The following NXPH1 variants were observed in gnomAD, a reference collection of about 807,000 sequenced individuals.
NXPH1 encodes the protein neurexophilin 1, also known as neurexophilin-1.
A neutral mutation model predicts 23.7 loss-of-function variants in NXPH1; 5 were observed. The ratio of observed to expected loss-of-function variants is 0.21; its 90% CI spans 0.11 to 0.44. The LOEUF is 0.44. NXPH1 is among the 20% of genes least tolerant of loss of function. The pLI is 0.99. For synonymous variants in NXPH1, 144 were observed against 122.2 expected, an observed-to-expected ratio of 1.18 and a Z score of -1.18; for missense variants, 324 against 321.6, an observed-to-expected ratio of 1.01 and a Z score of -0.06.
At position 8,749,969 on chromosome 7, in the gene NXPH1, A is replaced by C. The variant is rs897413629; in HGVS notation, c.55-1039A>C. 9.8e-5 allele frequency among the ~76,000 whole-genome samples: 15 copies of C among 152,328 alleles called. No individual in the cohort carries two copies. The East Asian group carries it at 2.5e-3, about 25-fold the overall frequency. On this transcript the variant is annotated intron_variant, in intron 2 of 2. Transcript: ENST00000405863. Reference sequence around the variant, plus strand: ...CAGTTCGAAATACAATTCTTTCCTAAGAAATAATTTTGCGGTCCTAGGAGA... The same window carrying C: ...CAGTTCGAAATACAATTCTTTCCTACGAAATAATTTTGCGGTCCTAGGAGA...
intron 2 of NXPH1, among the ~76,000 whole-genome samples, chr7:8,724,515 G>C (rs1331710880): frequency 6.6e-6 from 1 of 152,064 alleles, no homozygotes; most frequent in African/African-American, 2.4e-5. Flanking sequence ...ATTAAAAGAG[G>C]GTTGAGGGAA....
intron 2 of NXPH1, among the ~76,000 whole-genome samples, chr7:8,579,117 T>G (rs1818814245): frequency 6.6e-6 from 1 of 152,292 alleles, no homozygotes; most frequent in East Asian, 1.9e-4. Flanking sequence ...CAAGGCTGCG[T>G]GTGGCTGATC....
rs1252907626 is a variant in NXPH1 at position 8,433,726 on chromosome 7, T to C, written c.-1140T>C. Among the ~76,000 whole-genome samples, 2 of 151,760 alleles carry C rather than the reference T, an allele frequency of 1.3e-5. No homozygotes were observed. The highest frequency in any genetic ancestry group is 4.8e-5 in the African/African-American group (2 of 41,304). On this transcript the variant is annotated 5_prime_UTR_variant, in exon 1 of 3. Transcript: ENST00000405863. The surrounding 1 kb of genome is among the most constrained non-coding windows in gnomAD (Gnocchi z 6.8). Reference sequence around the variant, plus strand: ...GCGCTCGAGGCCGGCAGGGGCGCCCTGCACCCTCCCGCGCCCTTCCCCGCC... The same window carrying C: ...GCGCTCGAGGCCGGCAGGGGCGCCCCGCACCCTCCCGCGCCCTTCCCCGCC...
chr7:8,622,564 C>T (rs1264069612), intron 2 of NXPH1, among the ~76,000 whole-genome samples: 6 of 152,080 alleles, frequency 3.9e-5, no homozygotes, highest in African/African-American at 1.4e-4. Context: ...TGTGAAAAGC[C>T]TAAGTAATTA....
At chr7:8,655,441 T>TCTC (rs1241154580) in intron 2 of NXPH1, among the ~76,000 whole-genome samples, 3 of 71,044 alleles carry the variant, frequency 4.2e-5, no homozygotes, top group Non-Finnish European at 8.7e-5. Flanking sequence ...TCTCTCTCTC[T>TCTC]CTCTCTCTAT....
At chr7:8,741,143 G>T (rs564609257) in intron 2 of NXPH1, among the ~76,000 whole-genome samples, 1 of 152,094 alleles carries the variant, frequency 6.6e-6, no homozygotes, top group Non-Finnish European at 1.5e-5. Flanking sequence ...AGATCATGCA[G>T]TATTTGTTTC....
At chr7:8,488,235 CTATATCTTACATAT>C (rs530310092) in intron 2 of NXPH1, among the ~76,000 whole-genome samples, 8,273 of 151,766 alleles carry the variant, frequency 0.055, 744 homozygotes, top group African/African-American at 0.19. Context: ...GGGACACATA[CTATATCTTACATAT>C]TACATCTTAC....
At chr7:8,566,683 TGAATTAA>T (rs1467357760) in intron 2 of NXPH1, among the ~76,000 whole-genome samples, 3 of 151,820 alleles carry the variant, frequency 2.0e-5, no homozygotes, top group African/African-American at 7.2e-5. Flanking sequence ...CCTTTGGCTT[TGAATTAA>T]GAATTATACT....
intron 2 of NXPH1, among the ~76,000 whole-genome samples, chr7:8,730,120 T>C (rs2097187256): frequency 6.6e-6 from 1 of 151,148 alleles, no homozygotes; most frequent in South Asian, 2.1e-4. Context: ...CTTTTGATCT[T>C]TGTTGGTTTA....
intron 2 of NXPH1, among the ~76,000 whole-genome samples, chr7:8,588,111 C>A (rs145981373): frequency 3.9e-4 from 59 of 152,192 alleles, no homozygotes; most frequent in Non-Finnish European, 7.2e-4. Context: ...AATGCTGGAG[C>A]AGATGTGGAG....
rs1780537439 is a variant in NXPH1 at position 8,750,038 on chromosome 7, T to C, written c.55-970T>C. Among the ~76,000 whole-genome samples, 5 of 152,324 alleles carry C rather than the reference T, an allele frequency of 3.3e-5. 1 individual carries two copies. In the South Asian group the frequency reaches 8.3e-4, roughly 25 times the overall value. ...TCTCACAATCCACCCTGAAGTGACCTCTCAGTCATTGACCACATGTTGTTG... is the reference window on the plus strand; with the variant it reads ...TCTCACAATCCACCCTGAAGTGACCCCTCAGTCATTGACCACATGTTGTTG... On this transcript the variant is annotated intron_variant, in intron 2 of 2. Transcript: ENST00000405863.
chr7:8,472,644 C>T (rs1320203941), intron 2 of NXPH1, among the ~76,000 whole-genome samples: 1 of 152,130 alleles, frequency 6.6e-6, no homozygotes, highest in Non-Finnish European at 1.5e-5. Context: ...ATACCACAAT[C>T]TGAGTTCCCT....
intron 2 of NXPH1, among the ~76,000 whole-genome samples, chr7:8,691,429 G>A (rs113174568): frequency 0.018 from 2,802 of 152,264 alleles, 76 homozygotes; most frequent in African/African-American, 0.063. Context: ...GATCATAGGC[G>A]TGAGCCATTG....
intron 2 of NXPH1, among the ~76,000 whole-genome samples, chr7:8,689,557 G>A (rs1277673548): frequency 2.0e-5 from 3 of 152,182 alleles, no homozygotes; most frequent in Admixed American, 6.5e-5. Context: ...TTAGGGTGTA[G>A]GAGAGTGCCT....
At chr7:8,749,347 C>G (rs1780526811) in intron 2 of NXPH1, among the ~76,000 whole-genome samples, 1 of 152,188 alleles carries the variant, frequency 6.6e-6, no homozygotes, top group Non-Finnish European at 1.5e-5. Context: ...CAGGGGCACA[C>G]AGCTTGGCAG....
chr7:8,487,751 A>C (rs149049288), intron 2 of NXPH1, among the ~76,000 whole-genome samples: 2 of 152,240 alleles, frequency 1.3e-5, no homozygotes, highest in African/African-American at 2.4e-5. Context: ...TTTGTTTAAC[A>C]AGGGAAGCTT....
intron 2 of NXPH1, among the ~76,000 whole-genome samples, chr7:8,444,522 A>G (rs1459161234): frequency 2.0e-5 from 3 of 151,936 alleles, no homozygotes; most frequent in Non-Finnish European, 4.4e-5. Context: ...TCCGCAGTCC[A>G]CCCTCCCTGG....
chr7:8,721,367 G>C (rs912847149), intron 2 of NXPH1, among the ~76,000 whole-genome samples: 1 of 152,024 alleles, frequency 6.6e-6, no homozygotes, highest in Admixed American at 6.6e-5. Context: ...TTGTAAATTG[G>C]AAATTATACC....
At position 8,480,906 on chromosome 7, in the gene NXPH1, C is replaced by A. The variant is rs1817062179; in HGVS notation, c.54+45139C>A. Among the ~76,000 whole-genome samples, 5 of 152,146 alleles carry A rather than the reference C, an allele frequency of 3.3e-5. No homozygotes were observed. In the South Asian group the frequency reaches 1.0e-3, roughly 32 times the overall value. ...TTAGTTGTTGTCAAGATGGATATTT[C>A]TAAAGGTATTATTTTTTCATTTCAT... is the stretch of plus-strand genomic sequence containing the variant. On this transcript the variant is annotated intron_variant, in intron 2 of 2. Transcript: ENST00000405863.
Sources: gnomAD v4.1 joint callset for allele counts (sites outside exome capture counted in the v4.1 genomes callset) on GRCh38, gnomAD v4.1.1 for gene constraint, Gnocchi (gnomAD v3.1) non-coding constraint, MANE v1.5 for transcripts, NCBI Gene and HGNC (gene_info 2026-07-23, HGNC 2026-07-21) for gene names.